Variants in CAMKMT observed in about 807,000 individuals in gnomAD.
The protein encoded by CAMKMT is CaM KMT.
Under a neutral mutation model 48.0 loss-of-function variants are expected in CAMKMT, and 53 were observed. The observed-to-expected ratio is 1.10, with a 90% confidence interval of 0.89 to 1.39. The LOEUF (loss-of-function observed/expected upper bound fraction) is 1.39. Among genes scored for constraint, CAMKMT ranks in the 40% most tolerant of loss-of-function variants. The pLI is 0.00. For synonymous variants in CAMKMT, 165 were observed against 152.3 expected (o/e 1.08, Z -0.61); for missense variants, 428 against 402.7 (o/e 1.06, Z -0.54).
chr2:44,665,387 G>A (rs903436193), intron 3 of CAMKMT, among the ~76,000 whole-genome samples: 4 of 152,108 alleles, frequency 2.6e-5, no homozygotes, highest in African/African-American at 7.2e-5. Flanking sequence ...AGGTTTTAAC[G>A]TGCAGCCATG....
intron 3 of CAMKMT, among the ~76,000 whole-genome samples, chr2:44,499,622 TC>T (rs1393665623): frequency 6.6e-6 from 1 of 152,214 alleles, no homozygotes; most frequent in African/African-American, 2.4e-5. Flanking sequence ...AATTCACTGT[TC>T]TTTGGTACTT....
chr2:44,593,126 T>C (rs1670406223), intron 3 of CAMKMT, among the ~76,000 whole-genome samples: 1 of 152,184 alleles, frequency 6.6e-6, no homozygotes, highest in Admixed American at 6.5e-5. Flanking sequence ...ATTTGTTAGG[T>C]GGGACCAGCA....
chr2:44,572,159 C>A (rs1437257160), intron 3 of CAMKMT, among the ~76,000 whole-genome samples: 1 of 152,122 alleles, frequency 6.6e-6, no homozygotes, highest in African/African-American at 2.4e-5. Context: ...TCCCCTTCTC[C>A]CAGTCCCTGG....
At chr2:44,702,075 G>T (rs376903279) in intron 3 of CAMKMT, among the ~76,000 whole-genome samples, 1 of 151,850 alleles carries the variant, frequency 6.6e-6, no homozygotes, top group African/African-American at 2.4e-5. Flanking sequence ...TTTAGAAGTC[G>T]CATTTTTGTA....
At chr2:44,400,234 A>C (rs1400494832) in intron 3 of CAMKMT, among the ~76,000 whole-genome samples, 2 of 152,238 alleles carry the variant, frequency 1.3e-5, no homozygotes, top group Non-Finnish European at 2.9e-5. Context: ...ATAGAAACTG[A>C]GTTCAGAACA....
chr2:44,366,208 A>T (rs541948373), intron 1 of CAMKMT, among the ~76,000 whole-genome samples: 1 of 152,334 alleles, frequency 6.6e-6, no homozygotes, highest in East Asian at 1.9e-4. Flanking sequence ...TTAATTGATG[A>T]CAAATTTAAT....
rs201677102 is a variant in CAMKMT at position 44,707,399 on chromosome 2, G to A, written c.493G>A (p.Val165Ile). ...TGCTGTGCTCCCTTTTTTTTTTCAG[G>A]TTGCTATTTCTGCAGATGTCAAAGA... ...GGMTCLAGLM[V>I]AISADVKEVL... is the part of the protein sequence containing the mutation. The change falls in exon 6 of 11, where the codon GTT becomes ATT. Residue 165 changes from valine (V) to isoleucine (I), a missense_variant and splice_region_variant. By Grantham distance (29) the Val-to-Ile change is conservative. Coordinates refer to ENST00000378494, the MANE Select transcript of CAMKMT (RefSeq NM_024766.5). 1.2e-6 allele frequency: 2 copies of A among 1,608,496 alleles called. No homozygotes were observed. The highest frequency in any genetic ancestry group is 2.7e-5 in the African/African-American group (2 of 74,148).
intron 3 of CAMKMT, among the ~76,000 whole-genome samples, chr2:44,597,219 C>T (rs1185400027): frequency 6.6e-6 from 1 of 152,190 alleles, no homozygotes; most frequent in Non-Finnish European, 1.5e-5. Context: ...TGCTTTTATA[C>T]AGGTCCAACT....
Position 44,753,954 on chromosome 2 carries a change from G to T in CAMKMT, c.699-101G>T, listed in dbSNP as rs530076847. On this transcript the variant is annotated intron_variant, in intron 8 of 10. Coordinates refer to ENST00000378494, the MANE Select transcript of CAMKMT (RefSeq NM_024766.5). ...TAGGAAACAATTTCTCTTTTTTAGC[G>T]TTGGGTAAACATGTGTAATTAGCCT... 2.4e-5 allele frequency: 19 copies of T among 787,150 alleles called. No individual in the cohort carries two copies. The African/African-American group carries it at 3.1e-4, about 13-fold the overall frequency. 48.8% of individuals were successfully genotyped at this position (787,150 alleles called of 1,614,324 possible). A position where few individuals can be genotyped will look rare whatever the true frequency, so the allele number is the denominator to read the frequency against.
chr2:44,663,144 T>C (rs945135460), intron 3 of CAMKMT, among the ~76,000 whole-genome samples: 6 of 152,200 alleles, frequency 3.9e-5, no homozygotes, highest in East Asian at 1.9e-4. Flanking sequence ...ATTGGTATAA[T>C]ACCATTATCT....
At chr2:44,571,767 A>C (rs1436060455) in intron 3 of CAMKMT, among the ~76,000 whole-genome samples, 3 of 152,262 alleles carry the variant, frequency 2.0e-5, no homozygotes, top group Admixed American at 2.0e-4. Context: ...TGAACTAGGG[A>C]GTTCGAGACC....
rs377677163 is a variant in CAMKMT, at chr2:44,464,679, A to G, written c.376+74374A>G. On this transcript the variant is annotated intron_variant, in intron 3 of 10. Transcript: ENST00000378494. ...GTCAGAAAGAGTTGGAAGATATACT[A>G]AAAGTGCTGAAAGAAAAAAAACTGC... Among the ~76,000 whole-genome samples, 157 of 152,074 alleles carry G rather than the reference A, an allele frequency of 1.0e-3. 5 individuals carry two copies. In the South Asian group the frequency reaches 0.024, roughly 23 times the overall value.
At chr2:44,609,245 T>G (rs116742592) in intron 3 of CAMKMT, among the ~76,000 whole-genome samples, 1 of 152,164 alleles carries the variant, frequency 6.6e-6, no homozygotes, top group Non-Finnish European at 1.5e-5. Flanking sequence ...GAACACATAA[T>G]TACAGTTAAA....
chr2:44,377,805 A>G (rs756059885), intron 2 of CAMKMT, among the ~76,000 whole-genome samples: 10 of 152,176 alleles, frequency 6.6e-5, no homozygotes, highest in Non-Finnish European at 1.0e-4. Context: ...TCTTTCTATT[A>G]TAACAAATGC....
At chr2:44,598,207 A>G (rs1368630777) in intron 3 of CAMKMT, among the ~76,000 whole-genome samples, 1 of 152,108 alleles carries the variant, frequency 6.6e-6, no homozygotes, top group Non-Finnish European at 1.5e-5. Flanking sequence ...TAATATAAGG[A>G]AATGCTAAAT....
At chr2:44,444,845 A>G (rs1270629252) in intron 3 of CAMKMT, among the ~76,000 whole-genome samples, 1 of 152,220 alleles carries the variant, frequency 6.6e-6, no homozygotes, top group African/African-American at 2.4e-5. Context: ...TTATCTGGGC[A>G]TGTCACAGGA....
chr2:44,572,751 A>G (rs1668986179), intron 3 of CAMKMT, among the ~76,000 whole-genome samples: 1 of 152,136 alleles, frequency 6.6e-6, no homozygotes, highest in African/African-American at 2.4e-5. Context: ...ACACAGGTGT[A>G]CACATGTCTA....
At chr2:44,744,847 G>GA (rs1318169860) in intron 8 of CAMKMT, among the ~76,000 whole-genome samples, 2 of 151,932 alleles carry the variant, frequency 1.3e-5, no homozygotes, top group Non-Finnish European at 2.9e-5. Context: ...TCTTAGCTGA[G>GA]AGTTTCTAGT....
chr2:44,622,014 A>G (rs1316418954), intron 3 of CAMKMT, among the ~76,000 whole-genome samples: 1 of 152,236 alleles, frequency 6.6e-6, no homozygotes, highest in African/African-American at 2.4e-5. Context: ...TGAAGGAAAG[A>G]TAAGAATCAA....
Sources: gnomAD v4.1 joint callset for allele counts (sites outside exome capture counted in the v4.1 genomes callset) on GRCh38, gnomAD v4.1.1 for gene constraint, MANE v1.5 for transcripts, NCBI Gene and HGNC (gene_info 2026-07-23, HGNC 2026-07-21) for gene names.